The following ADH1B variants were observed in gnomAD, a reference collection of about 807,000 sequenced individuals.
ADH1B encodes the protein alcohol dehydrogenase 1B (class I), beta polypeptide.
In ADH1B, 29 loss-of-function variants were observed where a neutral mutation model predicts 34.6. The observed-to-expected ratio is 0.84, with a 90% CI of 0.62 to 1.14. The LOEUF is 1.14. Among genes scored for constraint, ADH1B ranks in the 50% most tolerant of loss-of-function variants. The pLI, the probability that ADH1B is intolerant of heterozygous loss-of-function variation, is 0.00. For missense variants in ADH1B, 424 were observed against 468.4 expected, an observed-to-expected ratio of 0.91 and a Z score of 0.87; for synonymous variants, 170 against 175.5, an observed-to-expected ratio of 0.97 and a Z score of 0.25.
intron 5 of ADH1B, 168 bp from the exon 6 acceptor site, chr4:99,314,249 G>A (rs746873225): frequency 3.2e-4 from 362 of 1,140,142 alleles, no homozygotes; most frequent in Non-Finnish European, 4.2e-4. Flanking sequence ...TAAATTCAAG[G>A]GGATGAACTA....
intron 8 of ADH1B, 91 bp from the exon 9 acceptor site, chr4:99,307,955 G>T: frequency 6.5e-7 from 1 of 1,546,148 alleles, no homozygotes; most frequent in Non-Finnish European, 8.9e-7. Flanking sequence ...GTGTCTTAGT[G>T]AAAATCTGTC....
Position 99,305,214 on chromosome 4 carries a change from T to A in ADH1B, c.*2626A>T, listed in dbSNP as rs1560524213. On this transcript the variant is annotated 3_prime_UTR_variant, in exon 9 of 9. Coordinates refer to ENST00000305046, the MANE Select transcript of ADH1B (RefSeq NM_000668.6). Reference sequence around the variant, plus strand: ...TGAAAACATTTTTTCCTTATCTATATTTTTAGATTATTTGTTTATACCAGA... The same window carrying A: ...TGAAAACATTTTTTCCTTATCTATAATTTTAGATTATTTGTTTATACCAGA... 1 of 151,892 alleles carries A rather than the reference T, an allele frequency of 6.6e-6. No homozygotes were observed. The highest frequency in any genetic ancestry group is 1.5e-5 in the Non-Finnish European group (1 of 67,982). The allele number at this position is 151,892 out of a possible 1,614,324, so 9.4% of individuals were successfully genotyped here.
At chr4:99,307,980 C>T in intron 8 of ADH1B, 116 bp from the exon 9 acceptor site, 1 of 1,348,660 alleles carries the variant, frequency 7.4e-7, no homozygotes, top group Non-Finnish European at 1.0e-6. Context: ...ATCCCAGCTA[C>T]CCTATTTCCA....
intron 6 of ADH1B, among the ~76,000 whole-genome samples, chr4:99,313,032 C>CTT (rs1267119599): frequency 1.5e-4 from 21 of 142,166 alleles, no homozygotes; most frequent in African/African-American, 5.4e-4. Flanking sequence ...TTTCTTTTTT[C>CTT]TTTTTTTTTT....
intron 5 of ADH1B, 161 bp from the exon 6 acceptor site, chr4:99,314,242 A>G: frequency 8.4e-7 from 1 of 1,185,046 alleles, no homozygotes; most frequent in Non-Finnish European, 1.2e-6. Flanking sequence ...TTATTTTTAA[A>G]TTCAAGGGGA....
chr4:99,313,032 CT>C (rs1267119599), intron 6 of ADH1B, among the ~76,000 whole-genome samples: 188 of 141,870 alleles, frequency 1.3e-3, no homozygotes, highest in Middle Eastern at 3.6e-3. Flanking sequence ...TTTCTTTTTT[CT>C]TTTTTTTTTT....
At position 99,313,831 on chromosome 4, in the gene ADH1B, A is replaced by G. The variant is rs775173450; in HGVS notation, c.818T>C (p.Leu273Pro). ...VDFSFEVIGR[L>P]DTMMASLLCC... ...TGTCATGGTACATACCATGGTGTCAAGCCGACCGATGACTTCAAACGAAAA... is the reference window on the plus strand; with the variant it reads ...TGTCATGGTACATACCATGGTGTCAGGCCGACCGATGACTTCAAACGAAAA... Residue 273 changes from leucine (L) to proline (P), a missense_variant, in exon 6 of 9, where the codon CTT (leucine) becomes CCT (proline). By Grantham distance (98) the Leu-to-Pro change is moderately conservative. Around this residue, in one of 3 missense-constraint regions of ADH1B, gnomAD observed 130 missense variants for 151.8 expected, o/e 0.86. Transcript: ENST00000305046. The G allele has an allele frequency of 6.2e-7, 1 of 1,614,070 alleles. No homozygotes were observed. The highest frequency in any genetic ancestry group is 8.5e-7 in the Non-Finnish European group (1 of 1,179,904).
At chr4:99,319,723 C>A (rs1733978554) in intron 1 of ADH1B, 1 of 152,174 alleles carries the variant, frequency 6.6e-6, no homozygotes, top group African/African-American at 2.4e-5. Flanking sequence ...TGGCAGTGTA[C>A]TGTAAAACCC....
chr4:99,320,704 T>G, intron 1 of ADH1B: 6 of 725,158 alleles, frequency 8.3e-6, no homozygotes, highest in Non-Finnish European at 8.7e-6. Context: ...GGGAAGATAC[T>G]GTTCCATAGG....
At chr4:99,320,289 C>T (rs1051618205) in intron 1 of ADH1B, 1 of 152,194 alleles carries the variant, frequency 6.6e-6, no homozygotes, top group Non-Finnish European at 1.5e-5. Flanking sequence ...TAAGTGAGAA[C>T]ATTGGATATT....
rs894890951 is a variant in ADH1B at position 99,317,837 on chromosome 4, A to G, written c.259+209T>C. On this transcript the variant is annotated intron_variant, in intron 3 of 8. Transcript: ENST00000305046. ...CTGGCTTCTAGTAGATACTCGGTAC[A>G]TAATGGTTGAAGGGTACAATACATG... 3.6e-5 allele frequency: 26 copies of G among 718,294 alleles called. No homozygotes were observed. In the African/African-American group the frequency reaches 4.3e-4, roughly 12 times the overall value. 44.5% of individuals were successfully genotyped at this position (718,294 alleles called of 1,614,324 possible).
chr4:99,312,830 G>A (rs188376726), intron 6 of ADH1B, among the ~76,000 whole-genome samples: 1 of 151,964 alleles, frequency 6.6e-6, no homozygotes, highest in Admixed American at 6.5e-5. Flanking sequence ...TTCAGCCTTG[G>A]TGACAGAGTG....
chr4:99,317,194 CATA>C (rs1457451489), intron 3 of ADH1B: 1 of 152,090 alleles, frequency 6.6e-6, no homozygotes, highest in East Asian at 1.9e-4. Flanking sequence ...TAAAATTAAA[CATA>C]ATTTTTATTT....
Position 99,310,725 on chromosome 4 carries a change from T to C in ADH1B, c.1103+40A>G, listed in dbSNP as rs760941078. ...TTCTCTGCTAGACAATCCCCTATGGTAGAAAAAAAAGCAAAACAGAAAACT... is the reference window on the plus strand; with the variant it reads ...TTCTCTGCTAGACAATCCCCTATGGCAGAAAAAAAAGCAAAACAGAAAACT... On this transcript the variant is annotated intron_variant, in intron 8 of 8. Coordinates refer to ENST00000305046, the MANE Select transcript of ADH1B (RefSeq NM_000668.6). 4 of 1,592,090 alleles carry C rather than the reference T, an allele frequency of 2.5e-6. No homozygotes were observed. In the South Asian group the frequency reaches 3.5e-5, roughly 14 times the overall value.
chr4:99,312,366 G>A (rs1191147767), intron 6 of ADH1B, among the ~76,000 whole-genome samples: 2 of 152,154 alleles, frequency 1.3e-5, no homozygotes, highest in African/African-American at 4.8e-5. Flanking sequence ...AAAGAGAAAA[G>A]CTGTAGCCCT....
chr4:99,310,797 A>T lies in ADH1B; in HGVS notation c.1071T>A (p.Asn357Lys), dbSNP rs1365826308. The T allele has an allele frequency of 1.2e-6, 2 of 1,611,890 alleles. No homozygotes were observed. Among genetic ancestry groups the T allele is most frequent in the Middle Eastern group, 1.7e-4 (1 of 6,052 alleles). Residue 357 changes from asparagine (N) to lysine (K), a missense_variant, in exon 8 of 9, where the codon AAT becomes AAA. By Grantham distance (94) the Asn-to-Lys change is moderately conservative. Transcript: ENST00000305046. ...ITHVLPFEKINEGFDLLHSGK... is the reference protein window; with the variant it reads ...ITHVLPFEKIKEGFDLLHSGK... ...CAGAGTGAAGCAGGTCAAATCCTTCATTTATTTTTTCAAAAGGTAAAACAT... is the reference window on the plus strand; with the variant it reads ...CAGAGTGAAGCAGGTCAAATCCTTCTTTTATTTTTTCAAAAGGTAAAACAT...
intron 3 of ADH1B, 133 bp downstream of exon 3, chr4:99,317,913 G>A: frequency 6.9e-7 from 1 of 1,458,932 alleles, no homozygotes; most frequent in East Asian, 2.3e-5. Flanking sequence ...AGGGAAAGAG[G>A]AAACTCCTGA....
At chr4:99,311,163 G>A (rs1297817403) in intron 7 of ADH1B, among the ~76,000 whole-genome samples, 2 of 152,136 alleles carry the variant, frequency 1.3e-5, no homozygotes, top group Non-Finnish European at 1.5e-5. Context: ...AGGTAGAGGA[G>A]CAAATTTATC....
chr4:99,310,469 T>C (rs549837464), intron 8 of ADH1B: 52 of 361,694 alleles, frequency 1.4e-4, no homozygotes, highest in East Asian at 1.3e-3. Flanking sequence ...TTTTGTTTTT[T>C]TGTGGGGTTT....
Sources: gnomAD v4.1 joint callset for allele counts (sites outside exome capture counted in the v4.1 genomes callset) on GRCh38, gnomAD v4.1.1 for gene constraint, gnomAD v4.1.1 regional missense constraint, MANE v1.5 for transcripts, NCBI Gene and HGNC (gene_info 2026-07-23, HGNC 2026-07-21) for gene names.